Variants in LTBP1 observed in about 807,000 individuals in gnomAD.
LTBP1 encodes latent transforming growth factor beta binding protein 1.
In LTBP1, 129 loss-of-function variants were observed where a neutral mutation model predicts 207.6. The ratio of observed to expected loss-of-function variants is 0.62; its 90% CI spans 0.54 to 0.72. The LOEUF (loss-of-function observed/expected upper bound fraction) is 0.72. LTBP1 is among the 30% of genes least tolerant of loss of function. LTBP1 has a pLI of 0.00. For synonymous variants in LTBP1, 963 were observed against 833.7 expected (o/e 1.16, Z -2.67); for missense variants, 2,281 against 2,217.2 (o/e 1.03, Z -0.58).
chr2:33,239,284 T>C (rs2092203118), intron 9 of LTBP1, among the ~76,000 whole-genome samples: 2 of 152,242 alleles, frequency 1.3e-5, no homozygotes, highest in South Asian at 2.1e-4. Context: ...TCCTAGTTTC[T>C]GTTTCTGTAA....
In LTBP1 at chr2:33,124,404, C is replaced by T. The variant is rs187321151; in HGVS notation, c.1034-10389C>T. On this transcript the variant is annotated intron_variant, in intron 4 of 33. Coordinates refer to ENST00000404816, the MANE Select transcript of LTBP1 (RefSeq NM_206943.4). ...CAGCTTGGGTGATAGAACAAGACTC[C>T]GTCTCAAAAAAAAAAAAATTATTCA... is the stretch of plus-strand genomic sequence containing the variant. Among the ~76,000 whole-genome samples, 16 of 150,874 alleles carry T rather than the reference C, an allele frequency of 1.1e-4. No individual in the cohort carries two copies. In the East Asian group the frequency reaches 2.1e-3, roughly 20 times the overall value.
At chr2:33,177,142 A>C (rs2086145199) in intron 5 of LTBP1, among the ~76,000 whole-genome samples, 1 of 152,236 alleles carries the variant, frequency 6.6e-6, no homozygotes, top group South Asian at 2.1e-4. Context: ...TGTTGCTCTT[A>C]ATGTCTATGC....
chr2:33,198,524 G>A (rs1472779740), intron 7 of LTBP1, among the ~76,000 whole-genome samples: 2 of 152,118 alleles, frequency 1.3e-5, no homozygotes, highest in Non-Finnish European at 2.9e-5. Context: ...AATCCATCTG[G>A]TCCTGGACTC....
rs1459402012 is a variant in LTBP1 at position 33,397,503 on chromosome 2, A to ATTTT, written c.4984+223_4984+224insTTTT. Among the ~76,000 whole-genome samples the ATTTT allele has an allele frequency of 8.3e-3, 649 of 77,812 alleles. 7 individuals carry two copies. The highest frequency in any genetic ancestry group is 0.031 in the African/African-American group (621 of 19,986). 51.0% of individuals were successfully genotyped at this position (77,812 alleles called of 152,430 possible). A position where few individuals can be genotyped will look rare whatever the true frequency, so the allele number is the denominator to read the frequency against. ...AATATGTTCTGTGTATTTTACCACA[A>ATTTT]TTCTTTTTTTTTTTTTTTTTTGAGA... On this transcript the variant is annotated intron_variant, in intron 33 of 33. Transcript: ENST00000404816.
At chr2:33,278,851 G>T (rs1021732711) in intron 18 of LTBP1, among the ~76,000 whole-genome samples, 1 of 152,030 alleles carries the variant, frequency 6.6e-6, no homozygotes, top group Admixed American at 6.6e-5. Context: ...ATTGGCCATT[G>T]GCAAGAATTT....
At chr2:33,166,689 T>G (rs1395834130) in intron 5 of LTBP1, among the ~76,000 whole-genome samples, 1 of 152,228 alleles carries the variant, frequency 6.6e-6, no homozygotes, top group Non-Finnish European at 1.5e-5. Context: ...CTTGATTTAA[T>G]GGAATGTTCC....
chr2:33,060,139 A>G (rs143268579), intron 3 of LTBP1, among the ~76,000 whole-genome samples: 164 of 152,134 alleles, frequency 1.1e-3, no homozygotes, highest in African/African-American at 3.7e-3. Flanking sequence ...CACATATTTT[A>G]CCCTTCTACT....
At chr2:33,168,046 CCT>C (rs915601503) in intron 5 of LTBP1, among the ~76,000 whole-genome samples, 1 of 152,090 alleles carries the variant, frequency 6.6e-6, no homozygotes, top group Non-Finnish European at 1.5e-5. Flanking sequence ...CCATCTAGCC[CCT>C]GTTAGACATT....
rs559511898 is a variant in LTBP1, at chr2:33,338,090, A to G, written c.3731-4748A>G. The stretch of plus-strand genomic sequence containing the variant: ...TCTTATTAAGCTATTACCTCACCTC[A>G]TTGTTGAAAACATGAAACTGCTGAG... On this transcript the variant is annotated intron_variant, in intron 24 of 33. Coordinates refer to ENST00000404816, the MANE Select transcript of LTBP1 (RefSeq NM_206943.4). Among the ~76,000 whole-genome samples the G allele has an allele frequency of 8.5e-5, 13 of 152,318 alleles. No individual in the cohort carries two copies. The South Asian group carries it at 2.7e-3, about 32-fold the overall frequency.
chr2:33,352,714 C>G (rs576366285), intron 26 of LTBP1, among the ~76,000 whole-genome samples: 1 of 152,238 alleles, frequency 6.6e-6, no homozygotes, highest in South Asian at 2.1e-4. Flanking sequence ...ACATAGATAT[C>G]GGTTTAAATC....
At chr2:33,309,107 AC>A in intron 22 of LTBP1, among the ~76,000 whole-genome samples, 2 of 151,896 alleles carry the variant, frequency 1.3e-5, no homozygotes, top group Non-Finnish European at 2.9e-5. Flanking sequence ...ACATGGTGAA[AC>A]CCCATCTCTA....
rs1231106206 is a variant in LTBP1, at chr2:33,142,141, T to C, written c.1201+7181T>C. ...ATCTCGGCTCACTGCAAGCTCCGCC[T>C]CCCGGGTTCACGCCATTCTCATGCC... On this transcript the variant is annotated intron_variant, in intron 5 of 33. Transcript: ENST00000404816. Among the ~76,000 whole-genome samples the C allele has an allele frequency of 3.9e-5, 6 of 152,028 alleles. No homozygotes were observed. In the East Asian group the frequency reaches 9.7e-4, roughly 24 times the overall value.
intron 31 of LTBP1, among the ~76,000 whole-genome samples, chr2:33,380,995 AGT>A (rs1181748944): frequency 2.0e-5 from 3 of 152,208 alleles, no homozygotes; most frequent in Non-Finnish European, 4.4e-5. Flanking sequence ...GGGGAAATGA[AGT>A]GGTTTACCTG....
intron 25 of LTBP1, among the ~76,000 whole-genome samples, chr2:33,343,923 A>G (rs901455305): frequency 2.4e-4 from 37 of 152,246 alleles, no homozygotes; most frequent in Non-Finnish European, 4.1e-4. Flanking sequence ...TCAAGACTTT[A>G]TAGATAGCAA....
chr2:33,375,399 C>T (rs1023400592), intron 31 of LTBP1, among the ~76,000 whole-genome samples: 1 of 152,214 alleles, frequency 6.6e-6, no homozygotes, highest in African/African-American at 2.4e-5. Flanking sequence ...GGGAATTGCA[C>T]AGACCCGAAT....
rs61065486 is a variant in LTBP1 at position 33,121,159 on chromosome 2, CTTTTTTTTTT to C, written c.1033+10423_1033+10432del. On this transcript the variant is annotated intron_variant, in intron 4 of 33. Coordinates refer to ENST00000404816, the MANE Select transcript of LTBP1 (RefSeq NM_206943.4). ...TCAGTGGAAATAAATTTTGTAAAGTCTTTTTTTTTTTTTTTTTTTTTTTTAGTTTCTTACA... is the reference window on the plus strand; with the variant it reads ...TCAGTGGAAATAAATTTTGTAAAGTCTTTTTTTTTTTTTTAGTTTCTTACA... 1.1e-3 allele frequency among the ~76,000 whole-genome samples: 98 copies of C among 87,544 alleles called. 1 individual carries two copies. The highest frequency in any genetic ancestry group is 4.2e-3 in the African/African-American group (85 of 20,480). The allele number at this position is 87,544 out of a possible 152,430, so 57.4% of individuals were successfully genotyped here. A position where few individuals can be genotyped will look rare whatever the true frequency, so the allele number is the denominator to read the frequency against.
intron 4 of LTBP1, among the ~76,000 whole-genome samples, chr2:33,125,755 G>A (rs1469311753): frequency 1.3e-5 from 2 of 151,756 alleles, no homozygotes; most frequent in African/African-American, 2.4e-5. Context: ...AGTTGAACCC[G>A]GGAGGTGGAG....
chr2:33,204,370 T>C (rs2089653404), intron 7 of LTBP1, among the ~76,000 whole-genome samples: 1 of 152,244 alleles, frequency 6.6e-6, no homozygotes, highest in African/African-American at 2.4e-5. Flanking sequence ...TTTGCCACCG[T>C]TGAGAATATT....
intron 23 of LTBP1, among the ~76,000 whole-genome samples, chr2:33,314,596 C>T (rs1208791745): frequency 6.6e-6 from 1 of 152,096 alleles, no homozygotes; most frequent in African/African-American, 2.4e-5. Context: ...TTTCTATTAC[C>T]CATTTCCAAT....
Sources: allele counts gnomAD v4.1 joint callset (sites outside exome capture counted in the v4.1 genomes callset), GRCh38; gene constraint gnomAD v4.1.1; transcripts MANE v1.5; gene names NCBI Gene and HGNC (gene_info 2026-07-23, HGNC 2026-07-21).